CCDC91: variants seen among roughly 807,000 people sequenced by gnomAD.
CCDC91 encodes coiled-coil domain containing 91.
A neutral mutation model predicts 63.2 loss-of-function variants in CCDC91; 48 were observed. The observed-to-expected ratio is 0.76, with a 90% CI of 0.60 to 0.97. CCDC91 has a LOEUF of 0.97. Ranked by LOEUF, CCDC91 falls within the 50% of genes least tolerant of loss-of-function variation. The probability of loss-of-function intolerance (pLI) is 0.00; values close to 1 mark genes in which losing one functional copy is unlikely to be tolerated. For synonymous variants in CCDC91, 167 were observed against 165.8 expected (o/e 1.01, Z -0.06); for missense variants, 500 against 494.6 (o/e 1.01, Z -0.10).
intron 12 of CCDC91, among the ~76,000 whole-genome samples, chr12:28,521,867 G>A (rs1940708966): frequency 6.6e-6 from 1 of 152,084 alleles, no homozygotes; most frequent in South Asian, 2.1e-4. Flanking sequence ...TCATATGCTG[G>A]ATTACACTTA....
At chr12:28,234,974 TG>T (rs1224185714) in intron 1 of CCDC91, among the ~76,000 whole-genome samples, 1 of 152,170 alleles carries the variant, frequency 6.6e-6, no homozygotes, top group Admixed American at 6.6e-5. Flanking sequence ...AGAATGATTT[TG>T]CTGGTCTTTG....
At chr12:28,412,934 T>G in intron 8 of CCDC91, 1 of 353,490 alleles carries the variant, frequency 2.8e-6, no homozygotes, top group Admixed American at 3.2e-5. Flanking sequence ...CCAGGAAGAA[T>G]AAAGGTTAGT....
intron 1 of CCDC91, among the ~76,000 whole-genome samples, chr12:28,211,413 G>A (rs1276235866): frequency 6.6e-6 from 1 of 152,030 alleles, no homozygotes; most frequent in African/African-American, 2.4e-5. Flanking sequence ...AGACATTAGC[G>A]AGTCTGCCTA....
chr12:28,244,554 T>G (rs1453545919), intron 1 of CCDC91, among the ~76,000 whole-genome samples: 1 of 126,354 alleles, frequency 7.9e-6, no homozygotes, highest in Non-Finnish European at 1.6e-5. Context: ...AGTGCCTCAG[T>G]TGGGATGATG....
intron 12 of CCDC91, among the ~76,000 whole-genome samples, chr12:28,537,978 A>T (rs148553253): frequency 1.1e-3 from 168 of 152,288 alleles, no homozygotes; most frequent in African/African-American, 3.7e-3. Context: ...AGTACATATT[A>T]GAGAGGCAAC....
At chr12:28,370,448 G>A (rs879751693) in intron 7 of CCDC91, among the ~76,000 whole-genome samples, 7 of 152,288 alleles carry the variant, frequency 4.6e-5, no homozygotes, top group Admixed American at 1.3e-4. Context: ...CCACCTCAGC[G>A]TGGGCTTCAT....
At chr12:28,542,261 T>C (rs998906390) in intron 12 of CCDC91, among the ~76,000 whole-genome samples, 2 of 152,090 alleles carry the variant, frequency 1.3e-5, no homozygotes, top group South Asian at 4.1e-4. Context: ...ACAGAGAATT[T>C]ACTTACCAGG....
intron 12 of CCDC91, among the ~76,000 whole-genome samples, chr12:28,542,376 C>G (rs1488149940): frequency 1.3e-5 from 2 of 152,058 alleles, no homozygotes; most frequent in African/African-American, 4.8e-5. Flanking sequence ...TGTAATTCAT[C>G]TTGTGCATGC....
chr12:28,383,672 T>C (rs1945428372), intron 7 of CCDC91, among the ~76,000 whole-genome samples: 1 of 152,140 alleles, frequency 6.6e-6, no homozygotes. Context: ...TTTTTAAATC[T>C]AAATTGAGTG....
At chr12:28,548,605 CTTTCTCTAAT>C (rs999232520) in intron 12 of CCDC91, among the ~76,000 whole-genome samples, 6 of 152,030 alleles carry the variant, frequency 3.9e-5, no homozygotes, top group Admixed American at 3.3e-4. Context: ...TTCCCCAAAA[CTTTCTCTAAT>C]TTCAGCAAAT....
chr12:28,267,881 A>AT (rs1947408120), intron 3 of CCDC91, among the ~76,000 whole-genome samples: 1 of 52,706 alleles, frequency 1.9e-5, no homozygotes. Flanking sequence ...AATTATATAT[A>AT]ATTATTATAA....
chr12:28,441,035 G>A (rs1342867224), intron 8 of CCDC91, among the ~76,000 whole-genome samples: 2 of 116,628 alleles, frequency 1.7e-5, no homozygotes, highest in African/African-American at 3.2e-5. Context: ...TCCAGCCTGG[G>A]TGACAGAGCA....
In CCDC91 at chr12:28,520,035, C is replaced by G. The variant is rs535358439; in HGVS notation, c.1216-29028C>G. Among the ~76,000 whole-genome samples the G allele has an allele frequency of 1.8e-3, 270 of 152,098 alleles. 2 individuals carry two copies. The highest frequency in any genetic ancestry group is 6.3e-3 in the African/African-American group (263 of 41,508). On this transcript the variant is annotated intron_variant, in intron 12 of 12. Coordinates refer to ENST00000536442, the MANE Select transcript of CCDC91 (RefSeq NM_018318.5). ...GTGAATAGTGCCGCAATAAACATAC[C>G]TGTGCATGTGTCTTTATAGCAGCAT...
At chr12:28,543,593 T>C (rs1942785055) in intron 12 of CCDC91, among the ~76,000 whole-genome samples, 1 of 151,986 alleles carries the variant, frequency 6.6e-6, no homozygotes, top group Admixed American at 6.6e-5. Flanking sequence ...CCTGTAACCT[T>C]TTCTCTTTTA....
At chr12:28,465,348 C>T (rs1375065003) in intron 11 of CCDC91, among the ~76,000 whole-genome samples, 2 of 152,070 alleles carry the variant, frequency 1.3e-5, no homozygotes, top group African/African-American at 4.8e-5. Flanking sequence ...ATTGTAGAGC[C>T]CCAGGGCTTT....
intron 3 of CCDC91, among the ~76,000 whole-genome samples, chr12:28,265,963 T>C (rs1231536180): frequency 3.3e-5 from 5 of 152,078 alleles, no homozygotes; most frequent in Non-Finnish European, 7.4e-5. Context: ...GTAGTGCCTT[T>C]ACACAGATTA....
At chr12:28,247,635 A>G (rs1284391027) in intron 1 of CCDC91, among the ~76,000 whole-genome samples, 1 of 152,122 alleles carries the variant, frequency 6.6e-6, no homozygotes, top group South Asian at 2.1e-4. Flanking sequence ...ACTGTTTTGG[A>G]GTTTGATGCT....
intron 3 of CCDC91, chr12:28,302,570 A>T: frequency 1.2e-6 from 1 of 842,666 alleles, no homozygotes; most frequent in Non-Finnish European, 1.4e-6. Context: ...TTTTACCTAG[A>T]CAGTAATATT....
intron 1 of CCDC91, chr12:28,256,844 C>A: frequency 5.3e-6 from 1 of 188,738 alleles, no homozygotes; most frequent in Admixed American, 6.1e-5. Context: ...CTGTTCTTAG[C>A]TGGAGTTTGT....
Sources: allele counts gnomAD v4.1 joint callset (sites outside exome capture counted in the v4.1 genomes callset), GRCh38; gene constraint gnomAD v4.1.1; transcripts MANE v1.5; gene names NCBI Gene and HGNC (gene_info 2026-07-23, HGNC 2026-07-21).